The following TASP1 variants were observed in gnomAD, a reference collection of about 807,000 sequenced individuals.
The protein encoded by TASP1 is taspase 1, also known as threonine aspartase 1.
Under a neutral mutation model 56.6 loss-of-function variants are expected in TASP1, and 16 were observed. The ratio of observed to expected loss-of-function variants is 0.28; its 90% CI spans 0.19 to 0.43. TASP1 has a LOEUF of 0.43. Among genes scored for constraint, TASP1 ranks in the 20% least tolerant of loss-of-function variants. The pLI is 1.00. For synonymous variants in TASP1, 179 were observed against 184.2 expected, an observed-to-expected ratio of 0.97 and a Z score of 0.23; for missense variants, 393 against 511.6, an observed-to-expected ratio of 0.77 and a Z score of 2.24.
chr20:13,375,075 G>C, the TASP1 span, among the ~76,000 whole-genome samples: 2 of 152,112 alleles, frequency 1.3e-5, no homozygotes, highest in Admixed American at 1.3e-4. Flanking sequence ...AGATAGGTGT[G>C]TTGTGTTTTG....
intron 11 of TASP1, among the ~76,000 whole-genome samples, chr20:13,461,750 AG>A (rs1303863596): frequency 6.6e-6 from 1 of 152,182 alleles, no homozygotes; most frequent in African/African-American, 2.4e-5. Flanking sequence ...CCCCCAGTGT[AG>A]GTTATTTCAC....
chr20:13,584,537 A>G (rs202058692), intron 5 of TASP1, among the ~76,000 whole-genome samples: 1 of 48,556 alleles, frequency 2.1e-5, no homozygotes, highest in African/African-American at 1.0e-4. Flanking sequence ...CTAATTAAAA[A>G]GAAAGGATAT....
At chr20:13,393,662 C>T in intron 13 of TASP1, 2 of 1,306,998 alleles carry the variant, frequency 1.5e-6, no homozygotes, top group South Asian at 1.2e-5. Flanking sequence ...CCCACATGGC[C>T]TCCAAGGAAT....
the TASP1 span, among the ~76,000 whole-genome samples, chr20:13,302,777 C>A: frequency 6.6e-6 from 1 of 152,168 alleles, no homozygotes; most frequent in African/African-American, 2.4e-5. Context: ...ATCCTGGGTG[C>A]CACATCTGAA....
At chr20:13,108,987 G>A in the TASP1 span, among the ~76,000 whole-genome samples, 4 of 152,144 alleles carry the variant, frequency 2.6e-5, no homozygotes, top group Non-Finnish European at 1.5e-5. Context: ...CTTAGGAAAT[G>A]CAAAAAATAC....
chr20:13,348,977 G>C, the TASP1 span, among the ~76,000 whole-genome samples: 2 of 152,178 alleles, frequency 1.3e-5, no homozygotes, highest in Non-Finnish European at 2.9e-5. Flanking sequence ...TCCTCAATTA[G>C]AGCAGTACGG....
chr20:13,288,994 G>A, the TASP1 span, among the ~76,000 whole-genome samples: 1 of 152,032 alleles, frequency 6.6e-6, no homozygotes, highest in African/African-American at 2.4e-5. Flanking sequence ...CACCATGTTG[G>A]CCAGGTTGGT....
chr20:13,387,720 T>C (rs2041174824), downstream of TASP1, among the ~76,000 whole-genome samples: 2 of 152,226 alleles, frequency 1.3e-5, no homozygotes. Context: ...CCATTTTAAG[T>C]TCTTTGAGAA....
the TASP1 span, among the ~76,000 whole-genome samples, chr20:13,327,433 TTCACAAATTA>T: frequency 5.3e-5 from 8 of 152,116 alleles, no homozygotes; most frequent in African/African-American, 1.2e-4. Context: ...ATCGACATTC[TTCACAAATTA>T]GAAAAAAAAA....
the TASP1 span, among the ~76,000 whole-genome samples, chr20:13,162,599 G>A: frequency 6.6e-6 from 1 of 152,088 alleles, no homozygotes; most frequent in Non-Finnish European, 1.5e-5. Context: ...TGCACTCTGC[G>A]ACCACATTTG....
the TASP1 span, among the ~76,000 whole-genome samples, chr20:13,190,153 A>T: frequency 6.6e-6 from 1 of 152,124 alleles, no homozygotes; most frequent in Non-Finnish European, 1.5e-5. Context: ...ACTCCAAAAG[A>T]GGGTAGGGAG....
At chr20:13,361,738 C>T in the TASP1 span, among the ~76,000 whole-genome samples, 5 of 152,132 alleles carry the variant, frequency 3.3e-5, no homozygotes, top group Non-Finnish European at 7.3e-5. Context: ...ACATGCCCTG[C>T]TCTTGTTTAC....
At chr20:13,231,359 C>T in the TASP1 span, among the ~76,000 whole-genome samples, 1 of 152,214 alleles carries the variant, frequency 6.6e-6, no homozygotes, top group Non-Finnish European at 1.5e-5. Flanking sequence ...TCCAAAATTA[C>T]AGAGATGGGC....
At chr20:13,570,682 T>C (rs527576153) in intron 6 of TASP1, among the ~76,000 whole-genome samples, 35 of 152,192 alleles carry the variant, frequency 2.3e-4, no homozygotes, top group Non-Finnish European at 4.4e-4. Flanking sequence ...TAAACAACTT[T>C]ACCTCTTCAA....
intron 9 of TASP1, among the ~76,000 whole-genome samples, 190 bp from the exon 10 acceptor site, chr20:13,528,701 T>C (rs1043200153): frequency 1.1e-4 from 17 of 152,190 alleles, no homozygotes; most frequent in Non-Finnish European, 7.3e-5. Context: ...TGTTTTCAGA[T>C]ATTCCATTAA....
the TASP1 span, among the ~76,000 whole-genome samples, chr20:13,162,361 ACTT>A: frequency 6.6e-6 from 1 of 152,184 alleles, no homozygotes; most frequent in African/African-American, 2.4e-5. Context: ...TCTCTTCACA[ACTT>A]CTTAATTGCT....
chr20:13,238,980 G>C, the TASP1 span: 6 of 152,334 alleles, frequency 3.9e-5, no homozygotes, highest in African/African-American at 1.2e-4. Context: ...AGGAAGACAC[G>C]AACCAGGTGA....
At chr20:13,254,228 A>G in the TASP1 span, among the ~76,000 whole-genome samples, 42,168 of 151,584 alleles carry the variant, frequency 0.28, 6,210 homozygotes, top group African/African-American at 0.39. Context: ...GCAAAACTCC[A>G]TCTCAAAAAT....
chr20:13,320,393 A>G, the TASP1 span, among the ~76,000 whole-genome samples: 1 of 152,242 alleles, frequency 6.6e-6, no homozygotes, highest in Non-Finnish European at 1.5e-5. Flanking sequence ...AAACCAAAGG[A>G]CAGAACTTAG....
Sources: gnomAD v4.1 joint callset for allele counts (sites outside exome capture counted in the v4.1 genomes callset) on GRCh38, gnomAD v4.1.1 for gene constraint, MANE v1.5 for transcripts, NCBI Gene and HGNC (gene_info 2026-07-23, HGNC 2026-07-21) for gene names.